PTPN13: variants seen among roughly 807,000 people sequenced by gnomAD.
PTPN13 encodes the protein protein tyrosine phosphatase non-receptor type 13.
Under a neutral mutation model 284.0 loss-of-function variants are expected in PTPN13, and 191 were observed. The observed-to-expected ratio is 0.67, with a 90% CI of 0.60 to 0.76. PTPN13 has a LOEUF of 0.76. PTPN13 is among the 30% of genes least tolerant of loss of function. The probability of loss-of-function intolerance (pLI) is 0.00; values close to 1 mark genes in which losing one functional copy is unlikely to be tolerated. For synonymous variants in PTPN13, 986 were observed against 1,022.3 expected (o/e 0.96, Z 0.68); for missense variants, 2,797 against 2,939.9 (o/e 0.95, Z 1.12).
intron 40 of PTPN13, among the ~76,000 whole-genome samples, chr4:86,786,174 A>C (rs2149321189): frequency 6.6e-6 from 1 of 152,300 alleles, no homozygotes; most frequent in East Asian, 1.9e-4. Context: ...GTTTTCAAAA[A>C]TGTAATGCTA....
intron 1 of PTPN13, among the ~76,000 whole-genome samples, chr4:86,603,505 T>C (rs1565122533): frequency 6.6e-6 from 1 of 152,200 alleles, no homozygotes; most frequent in Non-Finnish European, 1.5e-5. Context: ...ATGCTTTTAA[T>C]AGCTTTTCTG....
chr4:86,731,345 C>G (rs1184910669), intron 10 of PTPN13, among the ~76,000 whole-genome samples: 2 of 152,132 alleles, frequency 1.3e-5, no homozygotes, highest in Non-Finnish European at 2.9e-5. Context: ...CCCTCTTAGC[C>G]AAAACCCCAG....
chr4:86,615,435 G>C (rs1374554906), intron 1 of PTPN13, among the ~76,000 whole-genome samples: 1 of 151,982 alleles, frequency 6.6e-6, no homozygotes, highest in South Asian at 2.1e-4. Flanking sequence ...ATTCTGTTTT[G>C]ATCCTCATTT....
rs1336111241 is a variant in PTPN13 at position 86,774,488 on chromosome 4, C to T, written c.5465C>T (p.Ala1822Val). The change falls in exon 33 of 48, where the codon GCC (alanine) becomes GTC (valine). Residue 1822 changes from alanine (A) to valine (V), a missense_variant. Transcript: ENST00000411767. ...GTTCATGATGTCATACAGGATCCAG[C>T]CAAAAGTGATGGAAGGCTAAAACCT... ...CYVHDVIQDP[A>V]KSDGRLKPGD... 1 of 1,604,082 alleles carries T rather than the reference C, an allele frequency of 6.2e-7. No individual in the cohort carries two copies. The highest frequency in any genetic ancestry group is 8.5e-7 in the Non-Finnish European group (1 of 1,175,030).
At chr4:86,764,002 G>A (rs1739001830) in intron 24 of PTPN13, among the ~76,000 whole-genome samples, 1 of 151,976 alleles carries the variant, frequency 6.6e-6, no homozygotes, top group Non-Finnish European at 1.5e-5. Flanking sequence ...AACGCCTTTT[G>A]TTTACTGAAA....
chr4:86,663,301 C>T (rs1726720803), intron 2 of PTPN13, among the ~76,000 whole-genome samples: 1 of 152,128 alleles, frequency 6.6e-6, no homozygotes, highest in South Asian at 2.1e-4. Context: ...CCCGAAGGTA[C>T]AATTAAACCC....
intron 2 of PTPN13, among the ~76,000 whole-genome samples, chr4:86,650,306 G>A (rs1231556764): frequency 6.6e-6 from 1 of 151,554 alleles, no homozygotes; most frequent in African/African-American, 2.4e-5. Flanking sequence ...GTTTTATAGG[G>A]TTGTGTTTTC....
intron 1 of PTPN13, among the ~76,000 whole-genome samples, chr4:86,602,332 A>G (rs188313773): frequency 1.3e-5 from 2 of 152,300 alleles, no homozygotes; most frequent in East Asian, 1.9e-4. Context: ...CTTCAAAATG[A>G]GGATGATAAC....
At chr4:86,808,919 G>A (rs935924348) in intron 45 of PTPN13, among the ~76,000 whole-genome samples, 1 of 152,176 alleles carries the variant, frequency 6.6e-6, no homozygotes, top group Non-Finnish European at 1.5e-5. Flanking sequence ...AAGGAGTCAG[G>A]GAAGGTATGA....
chr4:86,703,711 AT>A, intron 7 of PTPN13, among the ~76,000 whole-genome samples: 1 of 152,180 alleles, frequency 6.6e-6, no homozygotes, highest in East Asian at 1.9e-4. Flanking sequence ...TACAAAAAAA[AT>A]TTTTTAATTA....
At chr4:86,759,144 C>T in intron 23 of PTPN13, 71 bp downstream of exon 23, 3 of 1,483,734 alleles carry the variant, frequency 2.0e-6, no homozygotes, top group Admixed American at 4.3e-5. Flanking sequence ...GTGATATTCG[C>T]ACAAAAATGG....
chr4:86,620,807 C>A (rs1190798426), intron 1 of PTPN13, among the ~76,000 whole-genome samples: 1 of 152,178 alleles, frequency 6.6e-6, no homozygotes, highest in African/African-American at 2.4e-5. Flanking sequence ...GGTCTAATTT[C>A]GGGCTAGCTA....
chr4:86,734,194 T>G (rs1251636127), intron 12 of PTPN13, 109 bp from the exon 13 acceptor site: 1 of 867,010 alleles, frequency 1.2e-6, no homozygotes, highest in Non-Finnish European at 1.7e-6. Context: ...TGTATTTATA[T>G]TCTCATATGA....
At chr4:86,607,909 T>C (rs1565132352) in intron 1 of PTPN13, among the ~76,000 whole-genome samples, 1 of 152,078 alleles carries the variant, frequency 6.6e-6, no homozygotes, top group Non-Finnish European at 1.5e-5. Flanking sequence ...AAGTGCCCTT[T>C]TGAAAATCTT....
intron 2 of PTPN13, among the ~76,000 whole-genome samples, chr4:86,641,326 A>G (rs1723756342): frequency 1.3e-5 from 2 of 152,080 alleles, no homozygotes; most frequent in African/African-American, 4.8e-5. Context: ...TTTCTTGTCA[A>G]TGGCTTTTCC....
intron 6 of PTPN13, among the ~76,000 whole-genome samples, chr4:86,695,749 CCTA>C: frequency 6.6e-6 from 1 of 151,856 alleles, no homozygotes; most frequent in African/African-American, 2.4e-5. Context: ...TCAGCAGTTC[CCTA>C]CTATCATTTC....
chr4:86,610,639 A>G (rs1011685025), intron 1 of PTPN13, among the ~76,000 whole-genome samples: 4 of 152,214 alleles, frequency 2.6e-5, no homozygotes. Flanking sequence ...CAATTTTTAT[A>G]TGAAATCTCC....
intron 40 of PTPN13, among the ~76,000 whole-genome samples, chr4:86,796,076 T>C (rs1304925914): frequency 6.6e-6 from 1 of 152,184 alleles, no homozygotes; most frequent in Non-Finnish European, 1.5e-5. Flanking sequence ...TTTCTAATTG[T>C]AGCAAACTGC....
chr4:86,618,262 C>A (rs1437052901), intron 1 of PTPN13, among the ~76,000 whole-genome samples: 1 of 152,116 alleles, frequency 6.6e-6, no homozygotes, highest in Non-Finnish European at 1.5e-5. Flanking sequence ...TTTCTGAGGG[C>A]TCTGTTCTGT....
Sources: gnomAD v4.1 joint callset for allele counts (sites outside exome capture counted in the v4.1 genomes callset) on GRCh38, gnomAD v4.1.1 for gene constraint, MANE v1.5 for transcripts, NCBI Gene and HGNC (gene_info 2026-07-23, HGNC 2026-07-21) for gene names.